The following ATR variants were observed in gnomAD, a reference collection of about 807,000 sequenced individuals.
ATR encodes the protein serine/threonine-protein kinase ATR.
In ATR, 142 loss-of-function variants were observed where a neutral mutation model predicts 305.3. That is an observed-to-expected ratio of 0.47 (90% CI 0.41 to 0.53). ATR has a LOEUF of 0.53. Ranked by LOEUF, ATR falls within the 20% of genes least tolerant of loss-of-function variation. The pLI is 0.00. For missense variants in ATR, 2,135 were observed against 3,133.1 expected (o/e 0.68, Z 7.60); for synonymous variants, 1,050 against 1,068.1 (o/e 0.98, Z 0.33).
chr3:142,502,097 GAA>G (rs1297253291), intron 30 of ATR, among the ~76,000 whole-genome samples: 3 of 152,182 alleles, frequency 2.0e-5, no homozygotes, highest in African/African-American at 7.2e-5. Flanking sequence ...GGGCTGCAGA[GAA>G]AAGAGAATAC....
chr3:142,526,363 C>T (rs1328021579), intron 21 of ATR, among the ~76,000 whole-genome samples: 1 of 152,020 alleles, frequency 6.6e-6, no homozygotes, highest in Non-Finnish European at 1.5e-5. Context: ...TATAGTTTTA[C>T]ATCTTTTCCA....
intron 24 of ATR, among the ~76,000 whole-genome samples, chr3:142,518,824 A>AT (rs1365806614): frequency 1.3e-5 from 2 of 152,070 alleles, no homozygotes; most frequent in East Asian, 3.9e-4. Flanking sequence ...AGTTGTATGG[A>AT]TTTTTTTCAT....
chr3:142,474,629 T>G (rs182785232), intron 36 of ATR, among the ~76,000 whole-genome samples: 19 of 152,318 alleles, frequency 1.2e-4, no homozygotes, highest in African/African-American at 4.6e-4. Flanking sequence ...AGTCTTTTAT[T>G]GGAGTCTTAG....
At chr3:142,473,413 G>T (rs767060893) in intron 36 of ATR, among the ~76,000 whole-genome samples, 8 of 152,144 alleles carry the variant, frequency 5.3e-5, no homozygotes, top group Non-Finnish European at 1.2e-4. Context: ...GACTGTAAAT[G>T]CGTGGATTCA....
intron 21 of ATR, among the ~76,000 whole-genome samples, chr3:142,528,573 C>T (rs2033494087): frequency 1.3e-5 from 2 of 151,710 alleles, no homozygotes; most frequent in African/African-American, 4.8e-5. Flanking sequence ...TATTTTTGGC[C>T]TTTCTGAATC....
chr3:142,551,863 C>A (rs1265604235), intron 13 of ATR, among the ~76,000 whole-genome samples: 1 of 152,124 alleles, frequency 6.6e-6, no homozygotes, highest in Non-Finnish European at 1.5e-5. Flanking sequence ...GCAAAATAAA[C>A]TATCATCACA....
In ATR at chr3:142,508,085, T is replaced by C; in HGVS notation, c.4877A>G (p.Tyr1626Cys). 1 of 1,612,882 alleles carries C rather than the reference T, an allele frequency of 6.2e-7. No individual in the cohort carries two copies. Among genetic ancestry groups the C allele is most frequent in the Admixed American group, 1.7e-5 (1 of 59,818 alleles). Reference protein sequence around the residue: ...SMVSTVDYEDYQSVTRFLDLI... With the variant: ...SMVSTVDYEDCQSVTRFLDLI... The stretch of plus-strand genomic sequence containing the variant: ...GTCTAGAAAACGGGTTACACTCTGA[T>C]AGTCTTCATAATCCACAGTAGATAC... The change falls in exon 28 of 47, where the codon TAT (tyrosine) becomes TGT (cysteine). Residue 1626 changes from tyrosine (Y) to cysteine (C), a missense_variant. By Grantham distance (194) the Tyr-to-Cys change is radical. This residue lies in a region of ATR where 202 missense variants were observed against 252.9 expected (regional missense o/e 0.80). Coordinates refer to ENST00000350721, the MANE Select transcript of ATR (RefSeq NM_001184.4).
At chr3:142,452,979 A>G (rs1470206837) in intron 46 of ATR, 149 bp downstream of exon 46, 1 of 1,510,786 alleles carries the variant, frequency 6.6e-7, no homozygotes, top group Non-Finnish European at 8.8e-7. Flanking sequence ...GCATTGTGAT[A>G]CTAGAGAACT....
Position 142,535,223 on chromosome 3 carries a change from A to C in ATR, c.3820-18T>G. 6.2e-7 allele frequency: 1 copy of C among 1,612,526 alleles called. No homozygotes were observed. The highest frequency in any genetic ancestry group is 2.2e-5 in the East Asian group (1 of 44,762). ...GAGGTCTCCTATATACAAAGCACAG[A>C]GAGACAGAACTTATTAATCAACTAT... On this transcript the variant is annotated intron_variant, in intron 20 of 46. Transcript: ENST00000350721.
chr3:142,488,413 T>C (rs1290578036), intron 35 of ATR, among the ~76,000 whole-genome samples: 1 of 152,086 alleles, frequency 6.6e-6, no homozygotes, highest in East Asian at 1.9e-4. Context: ...CCAACTATTT[T>C]CTCCCTGCAC....
chr3:142,577,553 T>A (rs1291581223), intron 1 of ATR, among the ~76,000 whole-genome samples: 3 of 152,216 alleles, frequency 2.0e-5, no homozygotes, highest in Admixed American at 1.3e-4. Flanking sequence ...ACAAGAATGG[T>A]CCCTTCATTT....
intron 24 of ATR, among the ~76,000 whole-genome samples, chr3:142,517,070 T>C (rs1272432190): frequency 6.7e-6 from 1 of 150,234 alleles, no homozygotes; most frequent in Non-Finnish European, 1.5e-5. Flanking sequence ...CAGTTAACCA[T>C]CACACTAAAC....
rs1461665448 is a variant in ATR at position 142,524,188 on chromosome 3, T to G, written c.3957A>C (p.Ile1319=). The part of the protein sequence containing the change: ...ETLYKNQEKL[I]KYATDSETVE... ...CTGTTTCACTGTCTGTTGCATACTT[T>G]ATCAGTTTTTCCTAAAATAAAAGTA... The change falls in exon 22 of 47, where the codon ATA becomes ATC. Residue 1319 remains isoleucine (I), a synonymous_variant. Transcript: ENST00000350721. The G allele has an allele frequency of 6.2e-7, 1 of 1,612,964 alleles. No homozygotes were observed. The highest frequency in any genetic ancestry group is 1.1e-5 in the South Asian group (1 of 91,030).
At chr3:142,566,715 T>C (rs1263746590) in intron 2 of ATR, among the ~76,000 whole-genome samples, 2 of 151,030 alleles carry the variant, frequency 1.3e-5, no homozygotes, top group African/African-American at 4.9e-5. Context: ...CTCAACAACA[T>C]TCAAGCTAAA....
rs1306943610 is a variant in ATR, at chr3:142,561,441, T to C, written c.1171-20A>G. ...CAAGTACTGAGAAAATAAAAAATAA[T>C]TTCCAGAAATATTCCTTAGAAAATA... On this transcript the variant is annotated intron_variant, in intron 4 of 46. Transcript: ENST00000350721. The C allele has an allele frequency of 2.5e-6, 4 of 1,594,712 alleles. No individual in the cohort carries two copies. Among genetic ancestry groups the C allele is most frequent in the Non-Finnish European group, 3.4e-6 (4 of 1,166,616 alleles).
chr3:142,485,012 A>G, intron 36 of ATR, 128 bp downstream of exon 36: 2 of 1,354,248 alleles, frequency 1.5e-6, no homozygotes, highest in Non-Finnish European at 2.0e-6. Context: ...CATCTTATCT[A>G]AGGTGATACA....
chr3:142,477,532 G>A (rs1212855427), intron 36 of ATR, among the ~76,000 whole-genome samples: 1 of 152,108 alleles, frequency 6.6e-6, no homozygotes, highest in African/African-American at 2.4e-5. Context: ...ATGTTCATCA[G>A]GGATATTGGT....
At chr3:142,474,080 C>T (rs1487190659) in intron 36 of ATR, among the ~76,000 whole-genome samples, 2 of 151,716 alleles carry the variant, frequency 1.3e-5, no homozygotes, top group Non-Finnish European at 2.9e-5. Context: ...ATGTGTGCCA[C>T]CATGCCTGGC....
chr3:142,524,064 A>G lies in ATR; in HGVS notation c.4081T>C (p.Leu1361=), dbSNP rs758182224. Residue 1361 remains leucine (L), a synonymous_variant, in exon 22 of 47, where the codon TTG becomes CTG. Coordinates refer to ENST00000350721, the MANE Select transcript of ATR (RefSeq NM_001184.4). ...AATCGACCTGGATCTATCGCCCCCA[A>G]TTCCCCTAAACATTCCCCACAGAGC... is the stretch of plus-strand genomic sequence containing the variant. The part of the protein sequence containing the change: ...RLLCGECLGE[L]GAIDPGRLDF... 1.9e-6 allele frequency: 3 copies of G among 1,614,078 alleles called. No individual in the cohort carries two copies. In the South Asian group the frequency reaches 3.3e-5, roughly 18 times the overall value.
Sources: allele counts gnomAD v4.1 joint callset (sites outside exome capture counted in the v4.1 genomes callset), GRCh38; gene constraint gnomAD v4.1.1; regional missense constraint gnomAD v4.1.1; transcripts MANE v1.5; gene names NCBI Gene and HGNC (gene_info 2026-07-23, HGNC 2026-07-21).